Variants in EIF2B5 observed in about 807,000 individuals in gnomAD.
The protein encoded by EIF2B5 is eukaryotic translation initiation factor 2B subunit epsilon, also known as translation initiation factor eIF2B subunit epsilon.
A neutral mutation model predicts 87.3 loss-of-function variants in EIF2B5; 38 were observed. The observed-to-expected ratio is 0.44, with a 90% CI of 0.34 to 0.57. EIF2B5 has a LOEUF of 0.57. EIF2B5 is among the 20% of genes least tolerant of loss of function. The pLI, the probability that EIF2B5 is intolerant of heterozygous loss-of-function variation, is 0.02. For missense variants in EIF2B5, 784 were observed against 909.5 expected (o/e 0.86, Z 1.78); for synonymous variants, 313 against 339.6 (o/e 0.92, Z 0.86).
In EIF2B5 at chr3:184,138,724, G is replaced by A. The variant is rs147549558; in HGVS notation, c.765+478G>A. The A allele has an allele frequency of 6.0e-3, 1,337 of 222,484 alleles. 5 individuals are homozygous for A. Among genetic ancestry groups the A allele is most frequent in the Non-Finnish European group, 8.2e-3 (908 of 110,182 alleles). 13.8% of individuals were successfully genotyped at this position (222,484 alleles called of 1,614,324 possible). ...GCTCTGTGGCCCAGGCTGGAGCACA[G>A]TGGCACCATGACTGCTCACTGCAGC... On this transcript the variant is annotated intron_variant, in intron 5 of 15. Coordinates refer to ENST00000648915, the MANE Select transcript of EIF2B5 (RefSeq NM_003907.3).
rs1560107180 is a variant in EIF2B5 at position 184,137,991 on chromosome 3, TGTG to T, written c.603_605del (p.Val203del). 6.2e-7 allele frequency: 1 copy of T among 1,614,170 alleles called. No homozygotes were observed. The highest frequency in any genetic ancestry group is 8.5e-7 in the Non-Finnish European group (1 of 1,180,044). ...ACCCAACTCGTTGCCACGAAGACAA[TGTG>T]GTAGTGGCTGTGGATAGTACCACAA... On this transcript the variant is annotated inframe_deletion, in exon 4 of 16. Coordinates refer to ENST00000648915, the MANE Select transcript of EIF2B5 (RefSeq NM_003907.3).
At chr3:184,144,859 C>T (rs1232727688) in intron 15 of EIF2B5, 25 bp from the exon 16 acceptor site, 2 of 1,612,554 alleles carry the variant, frequency 1.2e-6, no homozygotes, top group Non-Finnish European at 1.7e-6. Context: ...CTCCCCCAGC[C>T]GATCTCTCCT....
chr3:184,144,301 A>G, intron 14 of EIF2B5, 77 bp downstream of exon 14: 1 of 1,601,032 alleles, frequency 6.2e-7, no homozygotes, highest in Non-Finnish European at 8.5e-7. Context: ...GAGACATAAA[A>G]TAGAAGCTAA....
Position 184,141,307 on chromosome 3 carries a change from G to A in EIF2B5, c.1156+577G>A, listed in dbSNP as rs80166053. ...CTAGGGGCTGAGCGTGGTGGCTCAT[G>A]CTTGTAATCCTAGCACACTGGGAAG... On this transcript the variant is annotated intron_variant, in intron 7 of 15. Transcript: ENST00000648915. Among the ~76,000 whole-genome samples the A allele has an allele frequency of 7.8e-4, 119 of 152,308 alleles. 2 individuals are homozygous for A. The East Asian group carries it at 0.02, about 26-fold the overall frequency.
At chr3:184,144,510 C>T (rs1713777624) in intron 14 of EIF2B5, 87 bp from the exon 15 acceptor site, 3 of 1,238,050 alleles carry the variant, frequency 2.4e-6, no homozygotes, top group East Asian at 4.7e-5. Context: ...GGAGGCTACT[C>T]AGTGCATAGA....
In EIF2B5 at chr3:184,138,070, C is replaced by G. The variant is rs1713447061; in HGVS notation, c.679C>G (p.Pro227Ala). ...KTQGLRRFAF[P>A]LSLFQGSSDG... ...CCAGGGTCTCCGGCGTTTTGCATTT[C>G]CTCTGGTGTGTGGATATCTGGGGTC... The change falls in exon 4 of 16, where the codon CCT (proline) becomes GCT (alanine). Residue 227 changes from proline to alanine, a missense_variant. Physicochemically the swap from Pro to Ala is conservative, Grantham distance 27. Coordinates refer to ENST00000648915, the MANE Select transcript of EIF2B5 (RefSeq NM_003907.3). The G allele has an allele frequency of 6.2e-7, 1 of 1,614,028 alleles. No individual in the cohort carries two copies. Among genetic ancestry groups the G allele is most frequent in the Admixed American group, 1.7e-5 (1 of 60,006 alleles).
intron 12 of EIF2B5, 86 bp downstream of exon 12, chr3:184,143,228 C>A: frequency 6.6e-7 from 1 of 1,515,814 alleles, no homozygotes; most frequent in Non-Finnish European, 9.0e-7. Flanking sequence ...CAAATAGGAA[C>A]CTATTCCTTC....
intron 5 of EIF2B5, chr3:184,138,928 C>T: frequency 3.5e-6 from 1 of 281,722 alleles, no homozygotes; most frequent in Non-Finnish European, 7.1e-6. Context: ...TTCCAAAATG[C>T]TGGGATTACA....
chr3:184,138,883 A>G (rs571656695), intron 5 of EIF2B5: 2 of 295,574 alleles, frequency 6.8e-6, no homozygotes, highest in East Asian at 3.2e-4. Context: ...CCTGGTCACG[A>G]ACTCCTGAGC....
intron 6 of EIF2B5, 109 bp from the exon 7 acceptor site, chr3:184,140,309 T>C: frequency 7.0e-7 from 1 of 1,422,408 alleles, no homozygotes; most frequent in Non-Finnish European, 9.9e-7. Flanking sequence ...AGAAGAATCT[T>C]TGTGGCAGTG....
Position 184,142,147 on chromosome 3 carries a change from A to C in EIF2B5, c.1302+77A>C. The C allele has an allele frequency of 2.5e-6, 4 of 1,613,722 alleles. No individual in the cohort carries two copies. The highest frequency in any genetic ancestry group is 1.3e-5 in the African/African-American group (1 of 74,950). ...CTGAGCCAGAAGGGGCATTATTTCCACCCATAATCCTGTCTAAAAAAGTTG... is the reference window on the plus strand; with the variant it reads ...CTGAGCCAGAAGGGGCATTATTTCCCCCCATAATCCTGTCTAAAAAAGTTG... On this transcript the variant is annotated intron_variant, in intron 8 of 15. Coordinates refer to ENST00000648915, the MANE Select transcript of EIF2B5 (RefSeq NM_003907.3). This position sits in a 1 kb window ranked among gnomAD's most constrained non-coding sequence, Gnocchi z 5.0.
In EIF2B5 at chr3:184,143,315, C is replaced by G. The variant is rs576689166; in HGVS notation, c.1746-127C>G. On this transcript the variant is annotated intron_variant, in intron 12 of 15. Coordinates refer to ENST00000648915, the MANE Select transcript of EIF2B5 (RefSeq NM_003907.3). ...AAGTTCTAGCCTCAGCATAGACTTT[C>G]TCCTTCCTAAACCCTCCCCTTCCAT... 43 of 1,542,506 alleles carry G rather than the reference C, an allele frequency of 2.8e-5. No homozygotes were observed. The African/African-American group carries it at 5.6e-4, about 20-fold the overall frequency.
intron 15 of EIF2B5, 85 bp downstream of exon 15, chr3:184,144,792 G>A: frequency 6.3e-7 from 1 of 1,583,040 alleles, no homozygotes; most frequent in South Asian, 1.1e-5. Context: ...TTGGTTTCTG[G>A]GGCTCTGGTT....
chr3:184,139,270 A>ATTT (rs1196978595), intron 5 of EIF2B5, among the ~76,000 whole-genome samples: 495 of 48,020 alleles, frequency 0.01, 109 homozygotes, highest in African/African-American at 0.036. Flanking sequence ...TGCACCCAGC[A>ATTT]TTTTTTTTTT....
intron 6 of EIF2B5, 59 bp from the exon 7 acceptor site, chr3:184,140,359 C>T: frequency 6.3e-7 from 1 of 1,582,578 alleles, no homozygotes; most frequent in Non-Finnish European, 8.7e-7. Flanking sequence ...AAAAGTTGTA[C>T]TTGGGGGCAT....
rs1263354783 is a variant in EIF2B5 at position 184,135,476 on chromosome 3, G to A, written c.91G>A (p.Gly31Arg). ...GAGPGGSGGG[G>R]ARGAEEEPPP... is the part of the protein sequence containing the mutation. ...GGGGCCGGGAGGCAGCGGTGGCGGG[G>A]GAGCCAGAGGGGCGGAGGAGGAACC... Residue 31 changes from glycine (G) to arginine (R), a missense_variant, in exon 1 of 16, where the codon GGA becomes AGA. Physicochemically the swap from Gly to Arg is moderately radical, Grantham distance 125 (BLOSUM62 -2). This residue lies in a region of EIF2B5 where 117 missense variants were observed against 101.0 expected (regional missense o/e 1.16). Coordinates refer to ENST00000648915, the MANE Select transcript of EIF2B5 (RefSeq NM_003907.3). 1 of 1,579,848 alleles carries A rather than the reference G, an allele frequency of 6.3e-7. No individual in the cohort carries two copies. Among genetic ancestry groups the A allele is most frequent in the Admixed American group, 1.9e-5 (1 of 53,740 alleles).
At chr3:184,141,008 A>G (rs1458452561) in intron 7 of EIF2B5, 3 of 512,098 alleles carry the variant, frequency 5.9e-6, no homozygotes, top group Non-Finnish European at 1.1e-5. Context: ...AACAACATCT[A>G]TTTAGCACAT....
chr3:184,143,171 G>A (rs1483205097), intron 12 of EIF2B5, 29 bp downstream of exon 12: 21 of 1,607,222 alleles, frequency 1.3e-5, no homozygotes, highest in Middle Eastern at 3.3e-4. Context: ...TGTTCTCCTC[G>A]GGGTGATCCC....
Position 184,137,896 on chromosome 3 carries a change from A to G in EIF2B5, c.507-2A>G. The G allele has an allele frequency of 6.2e-7, 1 of 1,614,176 alleles. No individual in the cohort carries two copies. The highest frequency in any genetic ancestry group is 8.5e-7 in the Non-Finnish European group (1 of 1,180,036). On this transcript the variant is annotated splice_acceptor_variant, in intron 3 of 15. Coordinates refer to ENST00000648915, the MANE Select transcript of EIF2B5 (RefSeq NM_003907.3). LOFTEE classifies it high-confidence loss of function. Reference sequence around the variant, plus strand: ...CAGTTCTGTCCCTCCTGTCCTTTATAGGTTGAGACGGAAGCTAGAAAAAAA... The same window carrying G: ...CAGTTCTGTCCCTCCTGTCCTTTATGGGTTGAGACGGAAGCTAGAAAAAAA...
Sources: gnomAD v4.1 joint callset for allele counts (sites outside exome capture counted in the v4.1 genomes callset) on GRCh38, gnomAD v4.1.1 for gene constraint, gnomAD v4.1.1 regional missense constraint, Gnocchi (gnomAD v3.1) non-coding constraint, MANE v1.5 for transcripts, NCBI Gene and HGNC (gene_info 2026-07-23, HGNC 2026-07-21) for gene names.